The following BRCA1 variants were observed in gnomAD, a reference collection of about 807,000 sequenced individuals.
BRCA1 encodes the protein BRCA1 DNA repair associated.
A neutral mutation model predicts 173.7 loss-of-function variants in BRCA1; 140 were observed. The observed-to-expected ratio is 0.81, with a 90% confidence interval of 0.70 to 0.93. The LOEUF (loss-of-function observed/expected upper bound fraction) is 0.93. Ranked by LOEUF, BRCA1 falls within the 40% of genes least tolerant of loss-of-function variation. The pLI is 0.00. For missense variants in BRCA1, 1,983 were observed against 2,172.5 expected, an observed-to-expected ratio of 0.91 and a Z score of 1.73; for synonymous variants, 662 against 756.0, an observed-to-expected ratio of 0.88 and a Z score of 2.04.
chr17:43,145,421 G>A (rs1197155262), intron 1 of BRCA1, among the ~76,000 whole-genome samples: 1 of 151,276 alleles, frequency 6.6e-6, no homozygotes, highest in East Asian at 1.9e-4. Flanking sequence ...CCGCCTCCCG[G>A]GTTCACGCCA....
chr17:43,143,949 G>A (rs867956691), intron 1 of BRCA1, among the ~76,000 whole-genome samples: 1 of 152,122 alleles, frequency 6.6e-6, no homozygotes, highest in Non-Finnish European at 1.5e-5. Context: ...GGCCGGGTGC[G>A]GTGGCTCAGT....
At position 43,092,885 on chromosome 17, in the gene BRCA1, A is replaced by T. The variant is rs2053723557; in HGVS notation, c.2646T>A (p.Cys882Ter). The change falls in exon 10 of 23, where the codon TGT (cysteine) becomes TGA (stop). Residue 882 changes from cysteine to a stop codon, truncating the protein, a stop_gained. Coordinates refer to ENST00000357654, the MANE Select transcript of BRCA1 (RefSeq NM_007294.4). LOFTEE classifies it high-confidence loss of function. ...ACCCAGAGTGGGCAGAGAATGTTGC[A>T]CATTCCTCTTCTGCATTTCCTGGAT... ...FSNPGNAEEE[C>*]ATFSAHSGSL... 1 of 1,613,926 alleles carries T rather than the reference A, an allele frequency of 6.2e-7. No individual in the cohort carries two copies. Among genetic ancestry groups the T allele is most frequent in the Non-Finnish European group, 8.5e-7 (1 of 1,179,984 alleles).
chr17:43,115,382 G>A (rs2055215857), intron 3 of BRCA1, among the ~76,000 whole-genome samples: 1 of 151,840 alleles, frequency 6.6e-6, no homozygotes, highest in East Asian at 1.9e-4. Flanking sequence ...GGTGCCTGTA[G>A]TCCCAGCTAC....
chr17:43,094,418 A>G lies in BRCA1; in HGVS notation c.1113T>C (p.Pro371=), dbSNP rs876658619. 2 of 1,614,060 alleles carry G rather than the reference A, an allele frequency of 1.2e-6. No individual in the cohort carries two copies. Among genetic ancestry groups the G allele is most frequent in the African/African-American group, 2.7e-5 (2 of 74,942 alleles). ...GAATGCTGCTATTTAGTGTTATCCA[A>G]GGAACATCTTCAGTATCTCTAGGAT... The part of the protein sequence containing the change: ...SENPRDTEDV[P]WITLNSSIQK... Residue 371 remains proline (P), a synonymous_variant, in exon 10 of 23, where the codon CCT becomes CCC. Transcript: ENST00000357654.
At chr17:43,059,105 C>G (rs545720734) in intron 18 of BRCA1, among the ~76,000 whole-genome samples, 2 of 152,298 alleles carry the variant, frequency 1.3e-5, no homozygotes, top group Admixed American at 1.3e-4. Context: ...TACCCCTGAG[C>G]TTCATACAAT....
chr17:43,115,074 T>C (rs1467098396), intron 3 of BRCA1, among the ~76,000 whole-genome samples: 1 of 152,172 alleles, frequency 6.6e-6, no homozygotes, highest in East Asian at 1.9e-4. Flanking sequence ...CATAAGGATA[T>C]GCAGAAATGA....
chr17:43,163,447 A>T (rs2056249108), intron 1 of BRCA1: 1 of 152,226 alleles, frequency 6.6e-6, no homozygotes, highest in African/African-American at 2.4e-5. Context: ...ATTAACTGTC[A>T]CCCACTAAAA....
At chr17:43,083,338 T>C (rs2053102864) in intron 11 of BRCA1, among the ~76,000 whole-genome samples, 1 of 152,144 alleles carries the variant, frequency 6.6e-6, no homozygotes, top group African/African-American at 2.4e-5. Context: ...GTAATTTTTG[T>C]AGAAACAGGG....
At chr17:43,143,112 T>A (rs1046141007) in intron 1 of BRCA1, among the ~76,000 whole-genome samples, 9 of 151,098 alleles carry the variant, frequency 6.0e-5, no homozygotes, top group South Asian at 2.1e-4. Flanking sequence ...TTATTTATTT[T>A]ATTTTTTTTG....
chr17:43,073,831 C>T (rs959771338), intron 14 of BRCA1, among the ~76,000 whole-genome samples: 4 of 151,784 alleles, frequency 2.6e-5, no homozygotes, highest in Non-Finnish European at 4.4e-5. Flanking sequence ...CTTGGCTCAC[C>T]GCAACCTCCG....
At chr17:43,067,859 CAG>C (rs1272270045) in intron 15 of BRCA1, among the ~76,000 whole-genome samples, 164 bp from the exon 16 acceptor site, 4 of 31,516 alleles carry the variant, frequency 1.3e-4, no homozygotes, top group African/African-American at 2.7e-4. Context: ...TTTTTTTAGA[CAG>C]AGTCTTGCTC....
chr17:43,097,454 G>A (rs1325120782), intron 7 of BRCA1, among the ~76,000 whole-genome samples, 165 bp from the exon 8 acceptor site: 1 of 152,176 alleles, frequency 6.6e-6, no homozygotes, highest in African/African-American at 2.4e-5. Flanking sequence ...CAGAGAAGTG[G>A]TTAAAGGCAT....
rs1342806434 is a variant in BRCA1, at chr17:43,095,832, A to G, written c.670+14T>C. On this transcript the variant is annotated intron_variant, in intron 9 of 22. Coordinates refer to ENST00000357654, the MANE Select transcript of BRCA1 (RefSeq NM_007294.4). ...CTTTTCAGTGCCTGTTAAGTTGGCA[A>G]ACTTTGCCATTACCCTTTTTTGCAG... 6.2e-7 allele frequency: 1 copy of G among 1,607,894 alleles called. No homozygotes were observed. The highest frequency in any genetic ancestry group is 1.3e-5 in the African/African-American group (1 of 74,876).
At chr17:43,128,192 AC>A (rs374562659), upstream of BRCA1, among the ~76,000 whole-genome samples, 354 of 152,250 alleles carry the variant, frequency 2.3e-3, 4 homozygotes, top group African/African-American at 8.3e-3. Flanking sequence ...GGTAACACCG[AC>A]CGCAGAGGTC....
chr17:43,114,147 A>G (rs2055160701), intron 3 of BRCA1, among the ~76,000 whole-genome samples: 1 of 151,782 alleles, frequency 6.6e-6, no homozygotes, highest in African/African-American at 2.4e-5. Flanking sequence ...AGCTCACTAC[A>G]GCTTCGAACT....
chr17:43,142,246 G>A (rs1597936658), intron 1 of BRCA1, among the ~76,000 whole-genome samples: 1 of 152,136 alleles, frequency 6.6e-6, no homozygotes, highest in African/African-American at 2.4e-5. Flanking sequence ...CCCTGCTTAT[G>A]TCCAACACTC....
chr17:43,074,557 C>T (rs1214926485), intron 13 of BRCA1, 36 bp from the exon 14 acceptor site: 3 of 1,571,038 alleles, frequency 1.9e-6, no homozygotes, highest in Non-Finnish European at 2.6e-6. Flanking sequence ...ACCATCGCCA[C>T]CAATTGTGAA....
Position 43,076,427 on chromosome 17 carries a change from C to A in BRCA1, c.4484+61G>T, listed in dbSNP as rs80358185. 5.8e-5 allele frequency: 93 copies of A among 1,593,936 alleles called. 3 individuals carry two copies. The highest frequency in any genetic ancestry group is 4.7e-4 in the East Asian group (21 of 44,650). ...AAGTATGGTGAAAAAAATTAACAAT[C>A]AGAGTTCAATATAAATAAAGATGTC... On this transcript the variant is annotated intron_variant, in intron 13 of 22. Coordinates refer to ENST00000357654, the MANE Select transcript of BRCA1 (RefSeq NM_007294.4).
At chr17:43,075,049 G>A (rs2052649919) in intron 13 of BRCA1, among the ~76,000 whole-genome samples, 1 of 144,782 alleles carries the variant, frequency 6.9e-6, no homozygotes, top group African/African-American at 2.5e-5. Flanking sequence ...GGAAGGGAGG[G>A]AAAGGAAAGG....
Sources: gnomAD v4.1 joint callset for allele counts (sites outside exome capture counted in the v4.1 genomes callset) on GRCh38, gnomAD v4.1.1 for gene constraint, MANE v1.5 for transcripts, NCBI Gene and HGNC (gene_info 2026-07-23, HGNC 2026-07-21) for gene names.